CTBP2: variants seen among roughly 807,000 people sequenced by gnomAD.
The protein encoded by CTBP2 is C-terminal-binding protein 2.
Under a neutral mutation model 80.3 loss-of-function variants are expected in CTBP2, and 30 were observed. The observed-to-expected ratio is 0.37, with a 90% CI of 0.28 to 0.51. The LOEUF (loss-of-function observed/expected upper bound fraction) is 0.51, where lower values mean the gene tolerates loss of function less well. Among genes scored for constraint, CTBP2 ranks in the 20% least tolerant of loss-of-function variants. The probability of loss-of-function intolerance (pLI) is 0.93; values close to 1 mark genes in which losing one functional copy is unlikely to be tolerated. For missense variants in CTBP2, 1,212 were observed against 1,375.3 expected (o/e 0.88, Z 1.88); for synonymous variants, 594 against 587.4 (o/e 1.01, Z -0.16).
At chr10:125,099,568 G>T (rs956673363) in intron 2 of CTBP2, among the ~76,000 whole-genome samples, 1 of 152,096 alleles carries the variant, frequency 6.6e-6, no homozygotes, top group African/African-American at 2.4e-5. Context: ...GCTTTCAAAG[G>T]GTACAATTCC....
intron 2 of CTBP2, among the ~76,000 whole-genome samples, chr10:125,104,690 G>A (rs1385758646): frequency 2.0e-5 from 3 of 152,202 alleles, no homozygotes; most frequent in Admixed American, 1.3e-4. Flanking sequence ...ACTGGTACAA[G>A]GCTAGGGGAA....
Position 124,987,668 on chromosome 10 carries a change from T to C in CTBP2, c.*1850A>G, listed in dbSNP as rs947456621. The C allele has an allele frequency of 6.6e-6, 1 of 152,162 alleles. No individual in the cohort carries two copies. The highest frequency in any genetic ancestry group is 6.5e-5 in the Admixed American group (1 of 15,270). The allele number at this position is 152,162 out of a possible 1,614,324, so 9.4% of individuals were successfully genotyped here. On this transcript the variant is annotated 3_prime_UTR_variant, in exon 9 of 9. Transcript: ENST00000309035. ...TGTGAGCTTGTGTTAATAGACACTT[T>C]TATGGTAGAGTTGGGATGGGGCCAC...
At position 124,986,090 on chromosome 10, in the gene CTBP2, TTA is replaced by T. The variant is rs373740942; in HGVS notation, c.*3426_*3427del. The T allele has an allele frequency of 2.6e-5, 4 of 152,644 alleles. No homozygotes were observed. The highest frequency in any genetic ancestry group is 9.6e-5 in the African/African-American group (4 of 41,452). The allele number at this position is 152,644 out of a possible 1,614,324, so 9.5% of individuals were successfully genotyped here. Reference sequence around the variant, plus strand: ...TGGTTAATTGTGGCCATTCTTTAATTTAAAGTTAAAACTATAATCTTAGGTAG... The same window carrying T: ...TGGTTAATTGTGGCCATTCTTTAATTAAGTTAAAACTATAATCTTAGGTAG... On this transcript the variant is annotated 3_prime_UTR_variant, in exon 9 of 9. Transcript: ENST00000309035.
chr10:125,000,119 G>A (rs139923715), intron 3 of CTBP2: 26 of 152,446 alleles, frequency 1.7e-4, no homozygotes, highest in African/African-American at 5.3e-4. Context: ...ATTCAGCTCC[G>A]TGGTTCCACT....
intron 1 of CTBP2, among the ~76,000 whole-genome samples, chr10:125,124,414 T>G (rs1854869978): frequency 6.6e-6 from 1 of 151,928 alleles, no homozygotes; most frequent in African/African-American, 2.4e-5. Flanking sequence ...TCTTCAAGGT[T>G]CCACGTTTTT....
intron 5 of CTBP2, 103 bp from the exon 8 acceptor site, chr10:124,994,088 G>A: frequency 3.4e-6 from 5 of 1,469,080 alleles, no homozygotes; most frequent in Non-Finnish European, 4.6e-6. Flanking sequence ...TGTTGGTCTG[G>A]TGGTTTAATG....
At chr10:125,072,300 CCTAT>C (rs1845605170) in intron 2 of CTBP2, among the ~76,000 whole-genome samples, 1 of 151,580 alleles carries the variant, frequency 6.6e-6, no homozygotes. Flanking sequence ...ACGTACAGCT[CCTAT>C]CTGTCCTGCA....
At chr10:125,008,653 GC>G (rs1400619968) in intron 1 of CTBP2, among the ~76,000 whole-genome samples, 2 of 152,254 alleles carry the variant, frequency 1.3e-5, no homozygotes, top group Non-Finnish European at 2.9e-5. Flanking sequence ...TCAGAGTGCT[GC>G]AAGCAGCTCC....
chr10:125,159,697 C>T (rs1232060581), intron 1 of CTBP2, among the ~76,000 whole-genome samples: 1 of 149,434 alleles, frequency 6.7e-6, no homozygotes, highest in African/African-American at 2.4e-5. Context: ...CCCACGGAAC[C>T]CCTCTTCTCC....
intron 1 of CTBP2, among the ~76,000 whole-genome samples, chr10:125,013,412 C>T (rs988917670): frequency 2.0e-5 from 3 of 152,200 alleles, no homozygotes; most frequent in South Asian, 2.1e-4. Context: ...TAGTCTCGTG[C>T]GGGCACCGCT....
intron 2 of CTBP2, among the ~76,000 whole-genome samples, chr10:125,098,273 C>G (rs552256137): frequency 2.0e-5 from 3 of 152,144 alleles, no homozygotes; most frequent in African/African-American, 7.2e-5. Flanking sequence ...GGACCCAGCA[C>G]GTGTTCAGCT....
intron 2 of CTBP2, among the ~76,000 whole-genome samples, chr10:125,082,040 G>A (rs770973204): frequency 3.3e-5 from 5 of 152,148 alleles, no homozygotes; most frequent in Non-Finnish European, 7.4e-5. Flanking sequence ...AATTCCACAC[G>A]GCCACAGTAC....
chr10:125,017,425 T>C (rs893282817), intron 1 of CTBP2, among the ~76,000 whole-genome samples: 6 of 152,198 alleles, frequency 3.9e-5, no homozygotes, highest in African/African-American at 1.4e-4. Flanking sequence ...CTTTGGTTGC[T>C]AGGAAGCTCA....
chr10:125,041,507 C>T (rs1323035929), intron 2 of CTBP2, among the ~76,000 whole-genome samples: 17 of 29,598 alleles, frequency 5.7e-4, no homozygotes, highest in Non-Finnish European at 8.7e-4. Flanking sequence ...CATCCCCACC[C>T]CCCCCCCCCC....
At chr10:125,054,883 A>G (rs1357014522) in intron 2 of CTBP2, among the ~76,000 whole-genome samples, 5 of 152,300 alleles carry the variant, frequency 3.3e-5, no homozygotes, top group African/African-American at 1.2e-4. Context: ...GGTAAACGCT[A>G]TTCTCCTCAC....
rs532508189 is a variant in CTBP2 at position 125,107,848 on chromosome 10, C to T, written c.-102+3142G>A. On this transcript the variant is annotated intron_variant, in intron 2 of 10. Coordinates refer to the CTBP2 transcript ENST00000337195. ...AAACAGTCCTATCTTTGCAAAACCA[C>T]AGCTGCAACTATTCTACCACCATTT... Among the ~76,000 whole-genome samples the T allele has an allele frequency of 2.0e-5, 3 of 152,340 alleles. No individual in the cohort carries two copies. In the East Asian group the frequency reaches 5.8e-4, roughly 29 times the overall value.
At chr10:125,007,558 GA>G (rs891422467) in intron 1 of CTBP2, among the ~76,000 whole-genome samples, 2 of 152,236 alleles carry the variant, frequency 1.3e-5, no homozygotes, top group Non-Finnish European at 2.9e-5. Context: ...TCCGGAGCTG[GA>G]AAACGCTACA....
chr10:125,146,305 G>C (rs1339757368), intron 1 of CTBP2, among the ~76,000 whole-genome samples: 3 of 144,968 alleles, frequency 2.1e-5, no homozygotes, highest in Non-Finnish European at 3.0e-5. Flanking sequence ...TTTGGAGACA[G>C]CGTCTTGCTC....
At position 125,147,901 on chromosome 10, in the gene CTBP2, GA is replaced by G. The variant is rs111638054; in HGVS notation, c.-206+12417del. Among the ~76,000 whole-genome samples the G allele has an allele frequency of 2.5e-3, 372 of 147,322 alleles. 1 individual carries two copies. Among genetic ancestry groups the G allele is most frequent in the Middle Eastern group, 0.01 (3 of 286 alleles). On this transcript the variant is annotated intron_variant, in intron 1 of 10. Coordinates refer to the CTBP2 transcript ENST00000337195. ...CGACACGGTGAAACCCCCATCTCGG[GA>G]AAAAAAAAAATTCTAACAAACACAT...
Sources: gnomAD v4.1 joint callset for allele counts (sites outside exome capture counted in the v4.1 genomes callset) on GRCh38, gnomAD v4.1.1 for gene constraint, MANE v1.5 for transcripts, NCBI Gene and HGNC (gene_info 2026-07-23, HGNC 2026-07-21) for gene names.